The following SMU1 variants were observed in gnomAD, a reference collection of about 807,000 sequenced individuals.
SMU1 encodes WD40 repeat-containing protein SMU1.
SMU1 carries 2 observed loss-of-function variants against 62.0 expected under a neutral mutation model. The observed-to-expected ratio is 0.03, with a 90% CI of 0.01 to 0.10. The LOEUF (loss-of-function observed/expected upper bound fraction) is 0.10. Among genes scored for constraint, SMU1 ranks in the 10% least tolerant of loss-of-function variants. The pLI, the probability that SMU1 is intolerant of heterozygous loss-of-function variation, is 1.00. For synonymous variants in SMU1, 188 were observed against 212.4 expected, an observed-to-expected ratio of 0.89 and a Z score of 1.00; for missense variants, 227 against 622.1, an observed-to-expected ratio of 0.36 and a Z score of 6.76.
chr9:33,045,144 C>T lies in SMU1; in HGVS notation c.*2149G>A, dbSNP rs540518267. On this transcript the variant is annotated 3_prime_UTR_variant, in exon 12 of 12. Coordinates refer to ENST00000397149, the MANE Select transcript of SMU1 (RefSeq NM_018225.3). ...TGACTAGATTCTCCATCTTCATAAA[C>T]GGTGATACAAACTATGCACATCATA... The T allele has an allele frequency of 6.6e-6, 1 of 152,184 alleles. No homozygotes were observed. The highest frequency in any genetic ancestry group is 1.5e-5 in the Non-Finnish European group (1 of 68,040). The allele number at this position is 152,184 out of a possible 1,614,324, so 9.4% of individuals were successfully genotyped here.
chr9:33,048,060 A>C, intron 11 of SMU1, 46 bp downstream of exon 11: 1 of 1,581,164 alleles, frequency 6.3e-7, no homozygotes. Flanking sequence ...AGAAAGACAC[A>C]AGTCCTACCA....
At chr9:33,049,194 G>A (rs1839216532) in intron 10 of SMU1, among the ~76,000 whole-genome samples, 1 of 152,220 alleles carries the variant, frequency 6.6e-6, no homozygotes. Context: ...CAAAGTTGGA[G>A]GGCTCACAAT....
At chr9:33,049,911 C>T (rs1368862377) in intron 10 of SMU1, among the ~76,000 whole-genome samples, 1 of 152,040 alleles carries the variant, frequency 6.6e-6, no homozygotes, top group Non-Finnish European at 1.5e-5. Context: ...GCACTCCAGC[C>T]TGGGCAATGG....
rs1443819239 is a variant in SMU1 at position 33,056,082 on chromosome 9, T to C, written c.1122+31A>G. 14 of 1,585,562 alleles carry C rather than the reference T, an allele frequency of 8.8e-6. 1 individual carries two copies. The highest frequency in any genetic ancestry group is 1.2e-5 in the Non-Finnish European group (14 of 1,162,730). On this transcript the variant is annotated intron_variant, in intron 9 of 11. Transcript: ENST00000397149. ...TCAAAGGACAAAGATGGGGTAGACA[T>C]CCCAAAATAAACTGATAGCAAATAC...
Position 33,048,862 on chromosome 9 carries a change from A to G in SMU1, c.1291-604T>C, listed in dbSNP as rs189529643. 5.9e-5 allele frequency among the ~76,000 whole-genome samples: 9 copies of G among 152,386 alleles called. No individual in the cohort carries two copies. The East Asian group carries it at 1.3e-3, about 23-fold the overall frequency. ...GCTTGGGATTAACCTGAAATTTAAA[A>G]CATGATACCATTTACATTAGCAGCC... On this transcript the variant is annotated intron_variant, in intron 10 of 11. Transcript: ENST00000397149.
intron 10 of SMU1, among the ~76,000 whole-genome samples, chr9:33,050,427 A>G (rs914043394): frequency 1.3e-5 from 2 of 151,954 alleles, no homozygotes; most frequent in Non-Finnish European, 2.9e-5. Flanking sequence ...AAATCTGCAC[A>G]TGGATGTTTA....
intron 2 of SMU1, 67 bp from the exon 3 acceptor site, chr9:33,071,959 C>T (rs753778539): frequency 9.7e-5 from 139 of 1,434,604 alleles, no homozygotes; most frequent in Non-Finnish European, 1.1e-4. Context: ...TAATATTTTT[C>T]GGTAAAATAT....
intron 2 of SMU1, among the ~76,000 whole-genome samples, 192 bp downstream of exon 2, chr9:33,073,404 G>C (rs1225995417): frequency 1.3e-5 from 2 of 152,066 alleles, no homozygotes; most frequent in African/African-American, 4.8e-5. Context: ...CTCAAAAAAA[G>C]GAAAGAATTT....
chr9:33,076,277 G>C (rs1288637065), intron 1 of SMU1, among the ~76,000 whole-genome samples: 1 of 152,222 alleles, frequency 6.6e-6, no homozygotes, highest in African/African-American at 2.4e-5. Flanking sequence ...CTGGAGTCCA[G>C]AGTGGATCCT....
At chr9:33,050,836 A>AATAAAAAATAAGC (rs1564019660) in intron 10 of SMU1, among the ~76,000 whole-genome samples, 3 of 127,332 alleles carry the variant, frequency 2.4e-5, no homozygotes, top group Non-Finnish European at 1.8e-5. Context: ...AAAAAAAAAA[A>AATAAAAAATAAGC]TAAGGCCGGG....
rs745353516 is a variant in SMU1, at chr9:33,060,567, A to G, written c.648T>C (p.His216=). ...CTGGAGAAAATCGAGCACACTCCAC[A>G]TGTGATTTCTGACCAAACTGTTTCA... is the stretch of plus-strand genomic sequence containing the variant. ...SRHIKFGQKS[H]VECARFSPDG... Residue 216 remains histidine (H), a synonymous_variant, in exon 6 of 12, where the codon CAT becomes CAC. Transcript: ENST00000397149. 5 of 1,610,826 alleles carry G rather than the reference A, an allele frequency of 3.1e-6. No homozygotes were observed. In the East Asian group the frequency reaches 6.7e-5, roughly 22 times the overall value.
At chr9:33,059,617 TCCC>T (rs981262326) in intron 6 of SMU1, among the ~76,000 whole-genome samples, 2 of 145,054 alleles carry the variant, frequency 1.4e-5, no homozygotes, top group Non-Finnish European at 3.0e-5. Context: ...TTTTGTTTTT[TCCC>T]CCGAGATGGA....
chr9:33,061,463 T>C (rs139606359), intron 5 of SMU1, among the ~76,000 whole-genome samples: 1 of 152,276 alleles, frequency 6.6e-6, no homozygotes, highest in East Asian at 1.9e-4. Flanking sequence ...TCCAGGAATT[T>C]AGAGCACAAA....
chr9:33,073,524 T>C, intron 2 of SMU1, 72 bp downstream of exon 2: 1 of 1,080,012 alleles, frequency 9.3e-7, no homozygotes, highest in Admixed American at 2.0e-5. Flanking sequence ...GAATGCTCAC[T>C]GACGCTTTTT....
intron 4 of SMU1, among the ~76,000 whole-genome samples, chr9:33,065,784 C>T (rs1839412969): frequency 6.6e-6 from 1 of 152,172 alleles, no homozygotes; most frequent in African/African-American, 2.4e-5. Flanking sequence ...TCGCCTTAGC[C>T]TCAAGAGAAA....
chr9:33,067,168 T>C (rs549903069), intron 4 of SMU1, among the ~76,000 whole-genome samples: 7 of 152,068 alleles, frequency 4.6e-5, no homozygotes, highest in Non-Finnish European at 7.4e-5. Flanking sequence ...TATGTAAACA[T>C]TGAATATAGA....
intron 4 of SMU1, among the ~76,000 whole-genome samples, chr9:33,066,657 T>C (rs914321739): frequency 1.3e-5 from 2 of 151,862 alleles, no homozygotes; most frequent in Admixed American, 1.3e-4. Context: ...AATACAAAAA[T>C]TAGCTGGGCA....
At chr9:33,051,603 A>C (rs982809824) in intron 10 of SMU1, among the ~76,000 whole-genome samples, 16 of 152,330 alleles carry the variant, frequency 1.1e-4, no homozygotes, top group African/African-American at 3.8e-4. Context: ...TTTTCTGCTC[A>C]ATTTTGCTGT....
intron 10 of SMU1, among the ~76,000 whole-genome samples, chr9:33,051,168 C>A (rs1333362120): frequency 3.3e-5 from 5 of 150,918 alleles, no homozygotes; most frequent in African/African-American, 1.2e-4. Flanking sequence ...GCTATCAAAC[C>A]ATGAAAAAAC....
Sources: allele counts gnomAD v4.1 joint callset (sites outside exome capture counted in the v4.1 genomes callset), GRCh38; gene constraint gnomAD v4.1.1; transcripts MANE v1.5; gene names NCBI Gene and HGNC (gene_info 2026-07-23, HGNC 2026-07-21).